EEF1AKMT1: variants seen among roughly 807,000 people sequenced by gnomAD.
EEF1AKMT1 encodes the protein EEF1A lysine methyltransferase 1.
EEF1AKMT1 carries 18 observed loss-of-function variants against 21.0 expected under a neutral mutation model. The observed-to-expected ratio is 0.86, with a 90% CI of 0.59 to 1.27. The LOEUF is 1.27. Ranked by LOEUF, EEF1AKMT1 falls within the 50% of genes most tolerant of loss-of-function variation. The pLI, the probability that EEF1AKMT1 is intolerant of heterozygous loss-of-function variation, is 0.00. For synonymous variants in EEF1AKMT1, 109 were observed against 94.8 expected (o/e 1.15, Z -0.87); for missense variants, 246 against 258.6 (o/e 0.95, Z 0.33).
chr13:20,740,430 A>T (rs2058862912), intron 2 of EEF1AKMT1, among the ~76,000 whole-genome samples: 1 of 152,264 alleles, frequency 6.6e-6, no homozygotes, highest in Non-Finnish European at 1.5e-5. Flanking sequence ...GTGGGCGCTG[A>T]GGCCGAGGAG....
In EEF1AKMT1 at chr13:20,741,987, T is replaced by C. The variant is rs140308924; in HGVS notation, c.145-4182A>G. 5.3e-5 allele frequency among the ~76,000 whole-genome samples: 8 copies of C among 152,326 alleles called. No individual in the cohort carries two copies. The East Asian group carries it at 1.5e-3, about 29-fold the overall frequency. Reference sequence around the variant, plus strand: ...CTTCCAGAGTTTATTTCCCTTTTGATAGTGATTTAATTATTCCTGTTACAA... The same window carrying C: ...CTTCCAGAGTTTATTTCCCTTTTGACAGTGATTTAATTATTCCTGTTACAA... On this transcript the variant is annotated intron_variant, in intron 2 of 4. Transcript: ENST00000382758.
chr13:20,730,837 T>C (rs2314716), intron 4 of EEF1AKMT1, among the ~76,000 whole-genome samples: 61,254 of 152,024 alleles, frequency 0.4, 13,603 homozygotes, highest in East Asian at 0.76. Flanking sequence ...CAGCCAGCAG[T>C]GCAACCAGGT....
At chr13:20,731,791 T>A in intron 4 of EEF1AKMT1, 50 bp downstream of exon 4, 1 of 1,559,382 alleles carries the variant, frequency 6.4e-7, no homozygotes, top group South Asian at 1.2e-5. Flanking sequence ...CCTGAAGACC[T>A]GAATAGCCAC....
intron 2 of EEF1AKMT1, among the ~76,000 whole-genome samples, chr13:20,752,823 G>C (rs1006649051): frequency 1.3e-5 from 2 of 151,562 alleles, no homozygotes. Context: ...ATTTATTTTT[G>C]TCTTTTGTTT....
At chr13:20,736,215 G>C (rs1370366647) in intron 3 of EEF1AKMT1, among the ~76,000 whole-genome samples, 1 of 152,132 alleles carries the variant, frequency 6.6e-6, no homozygotes, top group East Asian at 1.9e-4. Context: ...TTAGAAAAAA[G>C]CAAGTTTCCT....
intron 1 of EEF1AKMT1, among the ~76,000 whole-genome samples, chr13:20,764,598 G>T (rs9579946): frequency 0.096 from 14,540 of 152,114 alleles, 822 homozygotes; most frequent in Non-Finnish European, 0.13. Flanking sequence ...GAGAGGGAAT[G>T]GAAGTACCCA....
intron 2 of EEF1AKMT1, among the ~76,000 whole-genome samples, chr13:20,746,238 C>T (rs1248093969): frequency 6.6e-6 from 1 of 152,076 alleles, no homozygotes; most frequent in Non-Finnish European, 1.5e-5. Flanking sequence ...CTGCAGCCTC[C>T]ACTTCCCAGG....
chr13:20,770,591 T>C (rs2059057758), intron 1 of EEF1AKMT1, among the ~76,000 whole-genome samples: 1 of 152,210 alleles, frequency 6.6e-6, no homozygotes, highest in South Asian at 2.1e-4. Flanking sequence ...GTGTGCATGC[T>C]GAACTGAGAA....
chr13:20,761,776 T>C (rs2079184918), intron 1 of EEF1AKMT1, among the ~76,000 whole-genome samples: 1 of 152,190 alleles, frequency 6.6e-6, no homozygotes, highest in African/African-American at 2.4e-5. Flanking sequence ...TGAAGTGAAA[T>C]GTGCAAATTT....
At chr13:20,762,898 A>C (rs1860613964) in intron 1 of EEF1AKMT1, among the ~76,000 whole-genome samples, 1 of 152,192 alleles carries the variant, frequency 6.6e-6, no homozygotes, top group African/African-American at 2.4e-5. Flanking sequence ...GAATTTTCAA[A>C]TAACTTTTTG....
Position 20,771,779 on chromosome 13 carries a change from G to A in EEF1AKMT1, c.-20+2142C>T, listed in dbSNP as rs1326048259. On this transcript the variant is annotated intron_variant, in intron 1 of 4. Transcript: ENST00000382758. ...TAATCCAAGCACTTTGGGAGATCGA[G>A]GCGGGCAGATCACCTTAGGTAAAGA... Among the ~76,000 whole-genome samples, 4 of 152,300 alleles carry A rather than the reference G, an allele frequency of 2.6e-5. No homozygotes were observed. In the East Asian group the frequency reaches 7.7e-4, roughly 29 times the overall value.
intron 2 of EEF1AKMT1, among the ~76,000 whole-genome samples, chr13:20,738,837 G>A (rs2058845584): frequency 4.6e-5 from 7 of 152,194 alleles, no homozygotes. Flanking sequence ...GAGGGATTAG[G>A]AGGTGACAGC....
intron 1 of EEF1AKMT1, among the ~76,000 whole-genome samples, chr13:20,766,316 G>A (rs9578317): frequency 0.28 from 32,319 of 117,518 alleles, 5,718 homozygotes; most frequent in East Asian, 0.71. Flanking sequence ...AAAAAAAAAA[G>A]AAAGAAAGAA....
chr13:20,757,766 G>A (rs942050981), intron 1 of EEF1AKMT1, 149 bp from the exon 2 acceptor site: 7 of 644,114 alleles, frequency 1.1e-5, no homozygotes, highest in Admixed American at 6.2e-5. Context: ...AAGCCCCCCA[G>A]CCAACTGAAT....
In EEF1AKMT1 at chr13:20,734,118, G is replaced by T. The variant is rs75758433; in HGVS notation, c.228-1997C>A. The stretch of plus-strand genomic sequence containing the variant: ...ATTATAGCCTCACTGTGCTGACAGA[G>T]AATGAACTGCAACCAAAGATTATAT... On this transcript the variant is annotated intron_variant, in intron 3 of 4. Transcript: ENST00000382758. Among the ~76,000 whole-genome samples the T allele has an allele frequency of 6.6e-3, 1,009 of 152,330 alleles. 15 individuals carry two copies. The highest frequency in any genetic ancestry group is 0.023 in the African/African-American group (967 of 41,564).
At chr13:20,740,096 G>A (rs1371423460) in intron 2 of EEF1AKMT1, among the ~76,000 whole-genome samples, 8 of 152,256 alleles carry the variant, frequency 5.3e-5, no homozygotes, top group South Asian at 2.1e-4. Context: ...GCTGAGGGCC[G>A]GCGAGAATTC....
At position 20,757,720 on chromosome 13, in the gene EEF1AKMT1, G is replaced by A. The variant is rs1020063824; in HGVS notation, c.-19-103C>T. 8.8e-6 allele frequency: 8 copies of A among 908,748 alleles called. No homozygotes were observed. The African/African-American group carries it at 1.3e-4, about 15-fold the overall frequency. 56.3% of individuals were successfully genotyped at this position (908,748 alleles called of 1,614,324 possible). A position where few individuals can be genotyped will look rare whatever the true frequency, so the allele number is the denominator to read the frequency against. ...TTTAACAGCAAGGATCCAAACTGAAGTGAGTTTTATACAAGTAAACCAAAA... is the reference window on the plus strand; with the variant it reads ...TTTAACAGCAAGGATCCAAACTGAAATGAGTTTTATACAAGTAAACCAAAA... On this transcript the variant is annotated intron_variant, in intron 1 of 4. Transcript: ENST00000382758.
Position 20,731,950 on chromosome 13 carries a change from A to T in EEF1AKMT1, c.399T>A (p.His133Gln). The change falls in exon 4 of 5, where the codon CAT becomes CAA. Residue 133 changes from histidine (H) to glutamine (Q), a missense_variant. Coordinates refer to ENST00000382758, the MANE Select transcript of EEF1AKMT1 (RefSeq NM_001318939.2). ...PLDLPERIAAHSFDIVIADPP... is the reference protein window; with the variant it reads ...PLDLPERIAAQSFDIVIADPP... ...GATCTGCTATTACGATGTCAAAACT[A>T]TGTGCAGCAATTCTTTCGGGTAAGT... 1 of 1,614,208 alleles carries T rather than the reference A, an allele frequency of 6.2e-7. No homozygotes were observed. Among genetic ancestry groups the T allele is most frequent in the South Asian group, 1.1e-5 (1 of 91,088 alleles).
chr13:20,748,549 TTGGC>T (rs2141424965), intron 2 of EEF1AKMT1, among the ~76,000 whole-genome samples: 1 of 152,228 alleles, frequency 6.6e-6, no homozygotes, highest in South Asian at 2.1e-4. Context: ...TTTTCAATTC[TTGGC>T]TCTTTCTCTG....
Sources: gnomAD v4.1 joint callset for allele counts (sites outside exome capture counted in the v4.1 genomes callset) on GRCh38, gnomAD v4.1.1 for gene constraint, MANE v1.5 for transcripts, NCBI Gene and HGNC (gene_info 2026-07-23, HGNC 2026-07-21) for gene names.